PPM1L: variants seen among roughly 807,000 people sequenced by gnomAD.
PPM1L encodes the protein protein phosphatase 1L.
Under a neutral mutation model 31.4 loss-of-function variants are expected in PPM1L, and 13 were observed. That is an observed-to-expected ratio of 0.41 (90% confidence interval 0.27 to 0.66). PPM1L has a LOEUF of 0.66. Ranked by LOEUF, PPM1L falls within the 30% of genes least tolerant of loss-of-function variation. The probability of loss-of-function intolerance (pLI) is 0.29; values close to 1 mark genes in which losing one functional copy is unlikely to be tolerated. For synonymous variants in PPM1L, 184 were observed against 175.4 expected (o/e 1.05, Z -0.39); for missense variants, 326 against 453.7 (o/e 0.72, Z 2.56).
intron 1 of PPM1L, among the ~76,000 whole-genome samples, chr3:160,954,999 C>T (rs1321149655): frequency 2.8e-5 from 4 of 143,502 alleles, no homozygotes; most frequent in Admixed American, 1.4e-4. Flanking sequence ...CCCTCCCTCC[C>T]TCTCTCTTTC....
At chr3:160,787,081 T>C (rs1035911013) in intron 1 of PPM1L, among the ~76,000 whole-genome samples, 3 of 152,202 alleles carry the variant, frequency 2.0e-5, no homozygotes, top group African/African-American at 7.2e-5. Context: ...GCATGTGTTT[T>C]TATGGTAGAA....
intron 1 of PPM1L, among the ~76,000 whole-genome samples, chr3:160,958,990 G>A (rs1253218681): frequency 2.0e-5 from 3 of 152,260 alleles, no homozygotes; most frequent in East Asian, 1.9e-4. Context: ...AAAAAGACAC[G>A]TGCATGTGCA....
At chr3:161,045,419 G>A (rs1262972662) in intron 2 of PPM1L, among the ~76,000 whole-genome samples, 2 of 152,108 alleles carry the variant, frequency 1.3e-5, no homozygotes, top group Non-Finnish European at 1.5e-5. Flanking sequence ...ATAACAAACT[G>A]TCTCTCAGAC....
intron 2 of PPM1L, among the ~76,000 whole-genome samples, chr3:160,982,478 TA>T (rs1224457605): frequency 1.3e-5 from 2 of 152,208 alleles, no homozygotes; most frequent in African/African-American, 2.4e-5. Flanking sequence ...AACTGTGTTC[TA>T]AAATTTATCA....
intron 2 of PPM1L, among the ~76,000 whole-genome samples, chr3:160,975,248 C>G (rs1182900652): frequency 7.2e-5 from 11 of 151,944 alleles, no homozygotes; most frequent in Non-Finnish European, 1.2e-4. Flanking sequence ...GTTTTGGTAC[C>G]AGTACCATGC....
At chr3:160,827,695 T>C (rs909727888) in intron 1 of PPM1L, among the ~76,000 whole-genome samples, 1 of 150,950 alleles carries the variant, frequency 6.6e-6, no homozygotes, top group African/African-American at 2.5e-5. Context: ...ATACTCTATC[T>C]AATTGACTAA....
At chr3:160,900,792 C>G (rs1713513141) in intron 1 of PPM1L, among the ~76,000 whole-genome samples, 1 of 152,130 alleles carries the variant, frequency 6.6e-6, no homozygotes, top group Non-Finnish European at 1.5e-5. Context: ...TTTCTCATTT[C>G]ATCGCAGTAT....
chr3:160,923,966 G>A (rs1047668901), intron 1 of PPM1L, among the ~76,000 whole-genome samples: 1 of 152,152 alleles, frequency 6.6e-6, no homozygotes, highest in Non-Finnish European at 1.5e-5. Context: ...TTTTAGGCAA[G>A]GTAAACCATC....
At chr3:160,819,674 A>G (rs1713134012) in intron 1 of PPM1L, among the ~76,000 whole-genome samples, 1 of 152,028 alleles carries the variant, frequency 6.6e-6, no homozygotes, top group African/African-American at 2.4e-5. Flanking sequence ...AGTAAACAAA[A>G]TAAGTTTTCA....
At chr3:160,976,824 G>A (rs550490221) in intron 2 of PPM1L, among the ~76,000 whole-genome samples, 3 of 152,086 alleles carry the variant, frequency 2.0e-5, no homozygotes, top group African/African-American at 7.2e-5. Flanking sequence ...CAAAAAACCA[G>A]CTCCTGGATT....
chr3:160,825,821 T>C (rs1344690013), intron 1 of PPM1L, among the ~76,000 whole-genome samples: 1 of 152,124 alleles, frequency 6.6e-6, no homozygotes, highest in African/African-American at 2.4e-5. Flanking sequence ...CTGGCTGATA[T>C]TCGCGAACCC....
chr3:161,066,099 G>T (rs1719732255), intron 3 of PPM1L, among the ~76,000 whole-genome samples: 3 of 152,184 alleles, frequency 2.0e-5, no homozygotes, highest in African/African-American at 7.2e-5. Context: ...TACAATACAT[G>T]GACATACCTG....
At chr3:160,824,771 G>A (rs1713307143) in intron 1 of PPM1L, among the ~76,000 whole-genome samples, 1 of 152,120 alleles carries the variant, frequency 6.6e-6, no homozygotes. Context: ...GCAGGAGATG[G>A]TTCTATTTTA....
At chr3:160,805,680 C>T (rs999216524) in intron 1 of PPM1L, among the ~76,000 whole-genome samples, 1 of 152,156 alleles carries the variant, frequency 6.6e-6, no homozygotes, top group African/African-American at 2.4e-5. Context: ...CGAGATCATG[C>T]CGTTGCACTC....
At chr3:160,859,693 C>T (rs1304755310) in intron 1 of PPM1L, among the ~76,000 whole-genome samples, 5 of 152,166 alleles carry the variant, frequency 3.3e-5, no homozygotes, top group Admixed American at 2.0e-4. Context: ...TTATTTCCTT[C>T]TGAATTGTGT....
chr3:161,053,964 A>G (rs1006833335), intron 2 of PPM1L, among the ~76,000 whole-genome samples: 1 of 148,464 alleles, frequency 6.7e-6, no homozygotes, highest in South Asian at 2.3e-4. Context: ...TAATGGATCT[A>G]TTTCTCATAA....
intron 1 of PPM1L, among the ~76,000 whole-genome samples, chr3:160,907,355 T>C (rs1048160148): frequency 3.9e-5 from 6 of 152,240 alleles, no homozygotes; most frequent in African/African-American, 1.4e-4. Flanking sequence ...TTTCTGTTCA[T>C]TGAAGCTACC....
At chr3:160,918,240 C>G (rs1389615906) in intron 1 of PPM1L, among the ~76,000 whole-genome samples, 1 of 152,224 alleles carries the variant, frequency 6.6e-6, no homozygotes, top group Non-Finnish European at 1.5e-5. Context: ...CTTGTCTTAT[C>G]CACTGTTATA....
chr3:161,061,580 A>G (rs138688389), intron 2 of PPM1L, among the ~76,000 whole-genome samples: 1 of 152,350 alleles, frequency 6.6e-6, no homozygotes, highest in East Asian at 1.9e-4. Context: ...AAAAAACAAT[A>G]TAACATCATA....
Sources: allele counts gnomAD v4.1 joint callset (sites outside exome capture counted in the v4.1 genomes callset), GRCh38; gene constraint gnomAD v4.1.1; transcripts MANE v1.5; gene names NCBI Gene and HGNC (gene_info 2026-07-23, HGNC 2026-07-21).